HSPA14: variants seen among roughly 807,000 people sequenced by gnomAD.
HSPA14 encodes the protein heat shock 70 kDa protein 14.
Under a neutral mutation model 65.5 loss-of-function variants are expected in HSPA14, and 37 were observed. The observed-to-expected ratio is 0.56, with a 90% confidence interval of 0.43 to 0.74. The LOEUF is 0.74. Ranked by LOEUF, HSPA14 falls within the 30% of genes least tolerant of loss-of-function variation. The pLI, the probability that HSPA14 is intolerant of heterozygous loss-of-function variation, is 0.00. For synonymous variants in HSPA14, 203 were observed against 214.2 expected, an observed-to-expected ratio of 0.95 and a Z score of 0.46; for missense variants, 564 against 607.6, an observed-to-expected ratio of 0.93 and a Z score of 0.75.
At chr10:14,838,883 G>C (rs1473133245) in intron 1 of HSPA14, among the ~76,000 whole-genome samples, 3 of 152,126 alleles carry the variant, frequency 2.0e-5, no homozygotes, top group Non-Finnish European at 4.4e-5. Context: ...AAGGGGTCTC[G>C]CTGACGTCAG....
chr10:14,857,113 T>A (rs774992406), intron 10 of HSPA14, among the ~76,000 whole-genome samples: 5 of 152,214 alleles, frequency 3.3e-5, no homozygotes, highest in Admixed American at 6.5e-5. Flanking sequence ...CTATAGTCTT[T>A]TTAAACATAA....
chr10:14,858,415 GA>G (rs999338931), intron 10 of HSPA14, among the ~76,000 whole-genome samples: 2 of 152,202 alleles, frequency 1.3e-5, no homozygotes, highest in Admixed American at 1.3e-4. Flanking sequence ...TTAATAATAA[GA>G]AATTGTCTTC....
intron 3 of HSPA14, chr10:14,847,156 A>G (rs982339073): frequency 2.7e-6 from 1 of 371,758 alleles, no homozygotes; most frequent in Non-Finnish European, 3.7e-6. Context: ...CTCTTTATAA[A>G]GCAGTTGAGA....
chr10:14,842,549 C>T lies in HSPA14; in HGVS notation c.221+2392C>T. ...TGCCACAAGTATGGGTGAGCCACCA[C>T]ACTGTCCATTTTATGATACGTTGGA... On this transcript the variant is annotated intron_variant, in intron 3 of 13. Transcript: ENST00000378372. This position sits in a 1 kb window ranked among gnomAD's most constrained non-coding sequence, Gnocchi z 5.2. 1 of 1,536,178 alleles carries T rather than the reference C, an allele frequency of 6.5e-7. No homozygotes were observed.
chr10:14,868,819 C>T (rs957098531), intron 12 of HSPA14, among the ~76,000 whole-genome samples: 1 of 152,096 alleles, frequency 6.6e-6, no homozygotes, highest in African/African-American at 2.4e-5. Context: ...AATTAAATAT[C>T]GGTAACAAAA....
chr10:14,854,723 A>C (rs1291998151), intron 9 of HSPA14, among the ~76,000 whole-genome samples: 1 of 152,166 alleles, frequency 6.6e-6, no homozygotes, highest in Non-Finnish European at 1.5e-5. Context: ...TATTTGGTTA[A>C]ATTCTCTTTT....
chr10:14,840,872 G>T (rs1229154538), intron 3 of HSPA14, among the ~76,000 whole-genome samples: 1 of 152,018 alleles, frequency 6.6e-6, no homozygotes, highest in Non-Finnish European at 1.5e-5. Context: ...AATTGGCAAC[G>T]CAAATACTAT....
At chr10:14,845,996 A>G (rs1834045931) in intron 3 of HSPA14, 1 of 934,874 alleles carries the variant, frequency 1.1e-6, no homozygotes, top group Non-Finnish European at 1.3e-6. Context: ...TTTAATTGTA[A>G]TATTTTCTGT....
chr10:14,862,766 A>G (rs1032437642), intron 10 of HSPA14, among the ~76,000 whole-genome samples: 2 of 150,422 alleles, frequency 1.3e-5, no homozygotes, highest in Non-Finnish European at 3.0e-5. Flanking sequence ...TGCAGCCTCG[A>G]ACTCCCAGGC....
chr10:14,869,297 TTTTAA>T (rs1365340592), intron 12 of HSPA14, among the ~76,000 whole-genome samples: 3 of 151,190 alleles, frequency 2.0e-5, no homozygotes, highest in African/African-American at 7.3e-5. Context: ...CACATATTTA[TTTTAA>T]TTTTTTTTTT....
At position 14,867,200 on chromosome 10, in the gene HSPA14, G is replaced by A. The variant is rs1366157735; in HGVS notation, c.1111G>A (p.Ala371Thr). 1.9e-6 allele frequency: 3 copies of A among 1,613,374 alleles called. No homozygotes were observed. In the Admixed American group the frequency reaches 5.0e-5, roughly 27 times the overall value. Residue 371 changes from alanine to threonine, a missense_variant, in exon 11 of 14, where the codon GCA becomes ACA. Physicochemically the swap from Ala to Thr is moderately conservative, Grantham distance 58. Coordinates refer to ENST00000378372, the MANE Select transcript of HSPA14 (RefSeq NM_016299.4). ...IPPDEVIPIG[A>T]AIEAGILIGK... is the part of the protein sequence containing the mutation. Reference sequence around the variant, plus strand: ...TCCTGATGAAGTGATCCCTATTGGTGCAGCTATAGAAGCAGGAATTCTTAT... The same window carrying A: ...TCCTGATGAAGTGATCCCTATTGGTACAGCTATAGAAGCAGGAATTCTTAT...
intron 10 of HSPA14, among the ~76,000 whole-genome samples, chr10:14,857,811 A>G (rs994381194): frequency 1.3e-5 from 2 of 151,996 alleles, no homozygotes; most frequent in African/African-American, 4.8e-5. Flanking sequence ...TAACTTGTCT[A>G]TACTTTGACA....
Position 14,844,167 on chromosome 10 carries a change from C to T in HSPA14, c.221+4010C>T, listed in dbSNP as rs1834013308. 7 of 1,263,608 alleles carry T rather than the reference C, an allele frequency of 5.5e-6. No individual in the cohort carries two copies. The East Asian group carries it at 1.7e-4, about 30-fold the overall frequency. 78.3% of individuals were successfully genotyped at this position (1,263,608 alleles called of 1,614,324 possible). A position where few individuals can be genotyped will look rare whatever the true frequency, so the allele number is the denominator to read the frequency against. Reference sequence around the variant, plus strand: ...TCCTAGCTTTGTCACAGATGTGAAGCAGTTTACCTCCCTCCAGTGGTTTCC... The same window carrying T: ...TCCTAGCTTTGTCACAGATGTGAAGTAGTTTACCTCCCTCCAGTGGTTTCC... On this transcript the variant is annotated intron_variant, in intron 3 of 13. Transcript: ENST00000378372.
intron 5 of HSPA14, 67 bp from the exon 6 acceptor site, chr10:14,849,654 T>G: frequency 8.2e-7 from 1 of 1,226,390 alleles, no homozygotes; most frequent in South Asian, 1.3e-5. Context: ...CATAAATTAA[T>G]AAACCTCAGA....
intron 3 of HSPA14, chr10:14,843,329 G>C: frequency 6.5e-7 from 1 of 1,548,826 alleles, no homozygotes; most frequent in Non-Finnish European, 8.7e-7. Flanking sequence ...CATTCCCTTA[G>C]CAGGAATGTT....
chr10:14,870,730 T>C (rs1832846900), intron 13 of HSPA14, 63 bp downstream of exon 13: 4 of 1,367,122 alleles, frequency 2.9e-6, no homozygotes, highest in Admixed American at 5.4e-5. Context: ...TTTTTGAGTT[T>C]ATTGATTTTT....
intron 1 of HSPA14, among the ~76,000 whole-genome samples, chr10:14,839,155 C>T (rs1166947040): frequency 1.3e-5 from 2 of 152,216 alleles, no homozygotes; most frequent in Non-Finnish European, 1.5e-5. Flanking sequence ...TGTGGCCTTT[C>T]TCTCATCAGT....
Position 14,842,678 on chromosome 10 carries a change from G to A in HSPA14, c.221+2521G>A. The A allele has an allele frequency of 6.5e-7, 1 of 1,536,310 alleles. No homozygotes were observed. Among genetic ancestry groups the A allele is most frequent in the South Asian group, 1.2e-5 (1 of 84,054 alleles). On this transcript the variant is annotated intron_variant, in intron 3 of 13. Coordinates refer to ENST00000378372, the MANE Select transcript of HSPA14 (RefSeq NM_016299.4). This position sits in a 1 kb window ranked among gnomAD's most constrained non-coding sequence, Gnocchi z 5.2. ...GAACTTAGTGGCCTCTGACGCCCCA[G>A]GGGAAGAGGGAACCGGCATTCTAAA...
At chr10:14,865,687 C>T (rs1832801128) in intron 10 of HSPA14, among the ~76,000 whole-genome samples, 1 of 152,130 alleles carries the variant, frequency 6.6e-6, no homozygotes, top group South Asian at 2.1e-4. Context: ...GTCTGTATAT[C>T]TGTTTTGGTA....
Sources: allele counts gnomAD v4.1 joint callset (sites outside exome capture counted in the v4.1 genomes callset), GRCh38; gene constraint gnomAD v4.1.1; non-coding constraint Gnocchi (gnomAD v3.1); transcripts MANE v1.5; gene names NCBI Gene and HGNC (gene_info 2026-07-23, HGNC 2026-07-21).